KIF26B: variants seen among roughly 807,000 people sequenced by gnomAD.
KIF26B encodes kinesin-like protein KIF26B.
In KIF26B, 63 loss-of-function variants were observed where a neutral mutation model predicts 151.2. The observed-to-expected ratio is 0.42, with a 90% CI of 0.34 to 0.51. KIF26B has a LOEUF of 0.51. Among genes scored for constraint, KIF26B ranks in the 20% least tolerant of loss-of-function variants. The pLI is 0.07. For synonymous variants in KIF26B, 1,357 were observed against 1,262.1 expected (o/e 1.08, Z -1.59); for missense variants, 2,813 against 2,913.6 (o/e 0.97, Z 0.79).
At chr1:245,605,715 A>G (rs539089642) in intron 6 of KIF26B, among the ~76,000 whole-genome samples, 1 of 152,030 alleles carries the variant, frequency 6.6e-6, no homozygotes, top group Non-Finnish European at 1.5e-5. Context: ...GGGAAGCAGC[A>G]AGGGGCCTCC....
At chr1:245,334,113 C>T (rs1672176754) in intron 2 of KIF26B, among the ~76,000 whole-genome samples, 1 of 152,180 alleles carries the variant, frequency 6.6e-6, no homozygotes, top group African/African-American at 2.4e-5. Flanking sequence ...GTTACCCATA[C>T]AGCAAGGTAC....
In KIF26B at chr1:245,540,332, T is replaced by C. The variant is rs1319125112; in HGVS notation, c.1167-435T>C. On this transcript the variant is annotated intron_variant, in intron 4 of 14. Coordinates refer to ENST00000407071, the MANE Select transcript of KIF26B (RefSeq NM_018012.4). The surrounding 1 kb of genome is among the most constrained non-coding windows in gnomAD (Gnocchi z 4.6). Reference sequence around the variant, plus strand: ...ATGCCTTGACTGGTCTCCACATCGTTCTTCATCAGACTGGTTTGGATTTTA... The same window carrying C: ...ATGCCTTGACTGGTCTCCACATCGTCCTTCATCAGACTGGTTTGGATTTTA... Among the ~76,000 whole-genome samples the C allele has an allele frequency of 6.6e-6, 1 of 152,216 alleles. No individual in the cohort carries two copies. The highest frequency in any genetic ancestry group is 1.5e-5 in the Non-Finnish European group (1 of 68,032).
At chr1:245,573,470 C>T (rs901207739) in intron 5 of KIF26B, among the ~76,000 whole-genome samples, 1 of 152,004 alleles carries the variant, frequency 6.6e-6, no homozygotes, top group Non-Finnish European at 1.5e-5. Flanking sequence ...TTGCAGTGAC[C>T]CAAGATCGAG....
intron 2 of KIF26B, among the ~76,000 whole-genome samples, chr1:245,162,523 C>T (rs1480798276): frequency 2.6e-5 from 4 of 151,720 alleles, no homozygotes; most frequent in African/African-American, 7.3e-5. Context: ...GTAGCTGGGA[C>T]TACAGGCGCC....
intron 10 of KIF26B, among the ~76,000 whole-genome samples, chr1:245,652,317 A>C (rs2044028351): frequency 6.6e-6 from 1 of 152,190 alleles, no homozygotes; most frequent in South Asian, 2.1e-4. Flanking sequence ...GTTGCCAGGC[A>C]ACTGCAGCAA....
intron 4 of KIF26B, among the ~76,000 whole-genome samples, chr1:245,465,084 T>C (rs2103060215): frequency 6.7e-6 from 1 of 149,450 alleles, no homozygotes; most frequent in Non-Finnish European, 1.5e-5. Context: ...GTTCACGCCA[T>C]TCTCCTGCCT....
intron 2 of KIF26B, among the ~76,000 whole-genome samples, chr1:245,213,648 T>C (rs943966690): frequency 6.6e-6 from 1 of 152,140 alleles, no homozygotes; most frequent in African/African-American, 2.4e-5. Flanking sequence ...GGGCAGTCAA[T>C]CACCCTGAGA....
chr1:245,226,804 G>A (rs1453399953), intron 2 of KIF26B, among the ~76,000 whole-genome samples: 2 of 152,200 alleles, frequency 1.3e-5, no homozygotes, highest in African/African-American at 4.8e-5. Context: ...GGGTATGATG[G>A]CAGAATCATG....
chr1:245,633,124 T>A (rs1044016237), intron 9 of KIF26B, among the ~76,000 whole-genome samples: 3 of 152,248 alleles, frequency 2.0e-5, no homozygotes, highest in African/African-American at 7.2e-5. Context: ...TTTATGTTTT[T>A]TGGCTAACAT....
At chr1:245,290,267 A>G (rs1481627700) in intron 2 of KIF26B, among the ~76,000 whole-genome samples, 3 of 152,184 alleles carry the variant, frequency 2.0e-5, no homozygotes, top group African/African-American at 7.2e-5. Flanking sequence ...TTCAGTACCT[A>G]CTGTCACTGG....
At chr1:245,668,217 T>G (rs1053174207) in intron 10 of KIF26B, among the ~76,000 whole-genome samples, 2 of 152,126 alleles carry the variant, frequency 1.3e-5, no homozygotes, top group African/African-American at 4.8e-5. Context: ...TATCTTCTTA[T>G]CCGCAGCAGG....
At chr1:245,389,362 C>G (rs1407928309) in intron 3 of KIF26B, among the ~76,000 whole-genome samples, 1 of 151,992 alleles carries the variant, frequency 6.6e-6, no homozygotes, top group Admixed American at 6.6e-5. Flanking sequence ...ATCCGCCCAC[C>G]TCGGCCTCCC....
At chr1:245,552,122 G>GGT (rs55650522) in intron 5 of KIF26B, among the ~76,000 whole-genome samples, 7,712 of 131,324 alleles carry the variant, frequency 0.059, 298 homozygotes, top group Middle Eastern at 0.087. Flanking sequence ...GAACCAGCAG[G>GGT]GTGTGTGTGT....
At chr1:245,671,513 AGTTT>A (rs766981126) in intron 10 of KIF26B, among the ~76,000 whole-genome samples, 23 of 152,220 alleles carry the variant, frequency 1.5e-4, no homozygotes, top group Admixed American at 5.9e-4. Flanking sequence ...TAATGGGTAG[AGTTT>A]GTTTGTTTGG....
chr1:245,219,099 T>C (rs1302750525), intron 2 of KIF26B, among the ~76,000 whole-genome samples: 1 of 144,272 alleles, frequency 6.9e-6, no homozygotes, highest in Non-Finnish European at 1.5e-5. Context: ...AGCATTGTCA[T>C]CACACAGGAG....
chr1:245,686,456 C>G lies in KIF26B; in HGVS notation c.3473C>G (p.Ala1158Gly), dbSNP rs372777938. ...ACTCCTGTCGATGATGAGCAGCAGGCAGCTACTCCTTCAGAGTCCAAGAAG... is the reference window on the plus strand; with the variant it reads ...ACTCCTGTCGATGATGAGCAGCAGGGAGCTACTCCTTCAGAGTCCAAGAAG... ...PETPVDDEQQ[A>G]ATPSESKKEI... The change falls in exon 12 of 15, where the codon GCA becomes GGA. Residue 1158 changes from alanine (A) to glycine (G), a missense_variant. Physicochemically the swap from Ala to Gly is moderately conservative, Grantham distance 60. Coordinates refer to ENST00000407071, the MANE Select transcript of KIF26B (RefSeq NM_018012.4). This position sits in a 1 kb window ranked among gnomAD's most constrained non-coding sequence, Gnocchi z 5.6. 1.6e-5 allele frequency: 26 copies of G among 1,613,186 alleles called. No homozygotes were observed. Among genetic ancestry groups the G allele is most frequent in the Non-Finnish European group, 2.0e-5 (24 of 1,179,900 alleles).
Position 245,366,828 on chromosome 1 carries a change from C to T in KIF26B, c.466-6C>T. The T allele has an allele frequency of 6.2e-7, 1 of 1,613,472 alleles. No individual in the cohort carries two copies. Among genetic ancestry groups the T allele is most frequent in the South Asian group, 1.1e-5 (1 of 91,030 alleles). On this transcript the variant is annotated splice_region_variant and splice_polypyrimidine_tract_variant and intron_variant, in intron 2 of 14. Coordinates refer to ENST00000407071, the MANE Select transcript of KIF26B (RefSeq NM_018012.4). Reference sequence around the variant, plus strand: ...TCTCCTCTCCCTCTGCTTCTGTGTTCTGTAGGACCCTGCTTTCTCGGCTGT... The same window carrying T: ...TCTCCTCTCCCTCTGCTTCTGTGTTTTGTAGGACCCTGCTTTCTCGGCTGT...
intron 5 of KIF26B, among the ~76,000 whole-genome samples, chr1:245,565,550 A>G (rs1265364531): frequency 6.6e-6 from 1 of 152,142 alleles, no homozygotes; most frequent in Admixed American, 6.5e-5. Context: ...CGGGCCTCCC[A>G]AAGTGCTGGG....
chr1:245,237,341 T>A (rs1670129060), intron 2 of KIF26B, among the ~76,000 whole-genome samples: 1 of 152,208 alleles, frequency 6.6e-6, no homozygotes, highest in Non-Finnish European at 1.5e-5. Flanking sequence ...CTTATTTCTC[T>A]GTTAGCTGGT....
Sources: allele counts gnomAD v4.1 joint callset (sites outside exome capture counted in the v4.1 genomes callset), GRCh38; gene constraint gnomAD v4.1.1; non-coding constraint Gnocchi (gnomAD v3.1); transcripts MANE v1.5; gene names NCBI Gene and HGNC (gene_info 2026-07-23, HGNC 2026-07-21).